The following DNAH7 variants were observed in gnomAD, a reference collection of about 807,000 sequenced individuals.
DNAH7 encodes axonemal beta dynein heavy chain 7.
Under a neutral mutation model 444.6 loss-of-function variants are expected in DNAH7, and 397 were observed. That is an observed-to-expected ratio of 0.89 (90% CI 0.82 to 0.97). DNAH7 has a LOEUF of 0.97. Among genes scored for constraint, DNAH7 ranks in the 50% least tolerant of loss-of-function variants. The pLI, the probability that DNAH7 is intolerant of heterozygous loss-of-function variation, is 0.00. For synonymous variants in DNAH7, 1,636 were observed against 1,624.4 expected (o/e 1.01, Z -0.17); for missense variants, 4,902 against 4,800.8 (o/e 1.02, Z -0.62).
intron 44 of DNAH7, among the ~76,000 whole-genome samples, chr2:195,856,742 A>G (rs1699736315): frequency 6.6e-6 from 1 of 152,136 alleles, no homozygotes; most frequent in South Asian, 2.1e-4. Context: ...TGGTCCAAGG[A>G]CCCCTGGGGA....
chr2:195,905,664 G>A (rs1312791937), intron 27 of DNAH7: 1 of 151,828 alleles, frequency 6.6e-6, no homozygotes, highest in Non-Finnish European at 1.5e-5. Context: ...CATCAGAAAA[G>A]GATATAAAAT....
chr2:195,929,857 C>A (rs1360067864), intron 21 of DNAH7, among the ~76,000 whole-genome samples: 3 of 152,088 alleles, frequency 2.0e-5, no homozygotes, highest in Non-Finnish European at 4.4e-5. Context: ...GCAACAAAAA[C>A]AAAAATTGAC....
chr2:196,021,138 A>C (rs1334839581), intron 8 of DNAH7, among the ~76,000 whole-genome samples: 1 of 152,182 alleles, frequency 6.6e-6, no homozygotes, highest in Non-Finnish European at 1.5e-5. Context: ...CAATGTTCCC[A>C]AAATCAAGCT....
chr2:195,808,093 A>G (rs1696793570), intron 53 of DNAH7, among the ~76,000 whole-genome samples: 1 of 152,172 alleles, frequency 6.6e-6, no homozygotes, highest in Admixed American at 6.5e-5. Flanking sequence ...GAGTAGAAAC[A>G]AAGGAATAGA....
At chr2:195,979,417 T>G (rs1444910242) in intron 15 of DNAH7, among the ~76,000 whole-genome samples, 3 of 152,096 alleles carry the variant, frequency 2.0e-5, no homozygotes, top group African/African-American at 7.2e-5. Context: ...AAAAAATTTC[T>G]TGGAGGAAGT....
rs185298165 is a variant in DNAH7 at position 195,879,739 on chromosome 2, A to G, written c.5961+2056T>C. Among the ~76,000 whole-genome samples the G allele has an allele frequency of 2.6e-4, 40 of 152,290 alleles. 1 individual carries two copies. Among genetic ancestry groups the G allele is most frequent in the Non-Finnish European group, 4.6e-4 (31 of 67,980 alleles). Reference sequence around the variant, plus strand: ...TATGTGTTGATTAAAATTATTCTATAAAAGCTGTGTATTTATGTGAAAGGG... The same window carrying G: ...TATGTGTTGATTAAAATTATTCTATGAAAGCTGTGTATTTATGTGAAAGGG... On this transcript the variant is annotated intron_variant, in intron 36 of 64. Coordinates refer to ENST00000312428, the MANE Select transcript of DNAH7 (RefSeq NM_018897.3).
Position 195,856,118 on chromosome 2 carries a change from G to C in DNAH7, c.8415-127C>G. On this transcript the variant is annotated intron_variant, in intron 44 of 64. Transcript: ENST00000312428. ...ACTTCTTTATGCAAAAATCTAAACCGATTTCCATATTTCCTGTTTCATCTA... is the reference window on the plus strand; with the variant it reads ...ACTTCTTTATGCAAAAATCTAAACCCATTTCCATATTTCCTGTTTCATCTA... 5.0e-6 allele frequency: 4 copies of C among 806,290 alleles called. No homozygotes were observed. In the South Asian group the frequency reaches 1.1e-4, roughly 22 times the overall value. The allele number at this position is 806,290 out of a possible 1,614,324, so 49.9% of individuals were successfully genotyped here. A position where few individuals can be genotyped will look rare whatever the true frequency, so the allele number is the denominator to read the frequency against.
intron 25 of DNAH7, among the ~76,000 whole-genome samples, chr2:195,907,259 A>G (rs1687086422): frequency 6.6e-6 from 1 of 151,914 alleles, no homozygotes; most frequent in Non-Finnish European, 1.5e-5. Flanking sequence ...TTTAGCATTT[A>G]GACATACACC....
At chr2:195,907,170 C>T (rs765451871) in intron 25 of DNAH7, among the ~76,000 whole-genome samples, 161 bp from the exon 26 acceptor site, 3 of 152,076 alleles carry the variant, frequency 2.0e-5, no homozygotes, top group Non-Finnish European at 2.9e-5. Context: ...ATTATCAATT[C>T]ATTATTCTGC....
chr2:195,808,283 C>A (rs965589411), intron 53 of DNAH7, among the ~76,000 whole-genome samples: 6 of 152,182 alleles, frequency 3.9e-5, no homozygotes, highest in Non-Finnish European at 7.4e-5. Flanking sequence ...ACTGTACAAG[C>A]TTTTTCCTTT....
intron 47 of DNAH7, 163 bp from the exon 48 acceptor site, chr2:195,834,523 T>C (rs1248756297): frequency 3.0e-5 from 20 of 664,934 alleles, no homozygotes; most frequent in Non-Finnish European, 4.3e-5. Flanking sequence ...GACGTGTAGA[T>C]TGAGTGGGCT....
chr2:195,942,220 A>G (rs957933858), intron 19 of DNAH7, among the ~76,000 whole-genome samples: 5 of 152,134 alleles, frequency 3.3e-5, no homozygotes, highest in African/African-American at 1.2e-4. Context: ...TATAAAGGTA[A>G]TATTTGAGAA....
In DNAH7 at chr2:195,754,534, T is replaced by C. The variant is rs188023025; in HGVS notation, c.11587-20A>G. ...CCATTGCTAGGGTGTAAAACACAAG[T>C]GGGCTAACAGTAGCACCTTTCAACC... On this transcript the variant is annotated intron_variant, in intron 62 of 64. Coordinates refer to ENST00000312428, the MANE Select transcript of DNAH7 (RefSeq NM_018897.3). 5.3e-5 allele frequency: 86 copies of C among 1,610,348 alleles called. 1 individual carries two copies. Among genetic ancestry groups the C allele is most frequent in the Admixed American group, 5.2e-4 (31 of 59,312 alleles).
chr2:196,017,785 T>G (rs913616884), intron 9 of DNAH7, among the ~76,000 whole-genome samples: 4 of 152,062 alleles, frequency 2.6e-5, no homozygotes, highest in African/African-American at 9.7e-5. Flanking sequence ...TTCTACATCA[T>G]TGGTAAAAAT....
At chr2:195,871,711 C>CAAAGTGACACCT (rs1700706986) in intron 40 of DNAH7, among the ~76,000 whole-genome samples, 1 of 130,390 alleles carries the variant, frequency 7.7e-6, no homozygotes, top group Admixed American at 7.1e-5. Context: ...GAAGGCGGAT[C>CAAAGTGACACCT]ACGAGGTCAG....
At chr2:195,788,523 C>T (rs1256105465) in intron 57 of DNAH7, among the ~76,000 whole-genome samples, 3 of 152,136 alleles carry the variant, frequency 2.0e-5, no homozygotes, top group Non-Finnish European at 4.4e-5. Context: ...GCATTTTATA[C>T]AAGAGCAGGG....
chr2:195,797,032 AAGG>A (rs1374979060), intron 55 of DNAH7, among the ~76,000 whole-genome samples: 1 of 152,232 alleles, frequency 6.6e-6, no homozygotes, highest in Non-Finnish European at 1.5e-5. Context: ...CTTTTAACAT[AAGG>A]AGGAGATGAA....
intron 24 of DNAH7, among the ~76,000 whole-genome samples, chr2:195,914,836 G>A (rs1687573345): frequency 6.6e-6 from 1 of 151,524 alleles, no homozygotes; most frequent in Non-Finnish European, 1.5e-5. Context: ...ACTAATTTTT[G>A]TATTTTTAGT....
At chr2:196,018,348 G>GA (rs745526944) in intron 9 of DNAH7, among the ~76,000 whole-genome samples, 2 of 151,518 alleles carry the variant, frequency 1.3e-5, no homozygotes, top group African/African-American at 2.4e-5. Context: ...AACATTTCTG[G>GA]AAAAAAAATC....
Sources: allele counts gnomAD v4.1 joint callset (sites outside exome capture counted in the v4.1 genomes callset), GRCh38; gene constraint gnomAD v4.1.1; transcripts MANE v1.5; gene names NCBI Gene and HGNC (gene_info 2026-07-23, HGNC 2026-07-21).